Variants in TMPRSS7 observed in about 807,000 individuals in gnomAD.
The protein encoded by TMPRSS7 is transmembrane protease serine 7.
A neutral mutation model predicts 95.6 loss-of-function variants in TMPRSS7; 81 were observed. The observed-to-expected ratio is 0.85, with a 90% CI of 0.71 to 1.02. The LOEUF (loss-of-function observed/expected upper bound fraction) is 1.02, where lower values mean the gene tolerates loss of function less well. TMPRSS7 is among the 50% of genes least tolerant of loss of function. TMPRSS7 has a pLI of 0.00. For synonymous variants in TMPRSS7, 364 were observed against 337.8 expected, an observed-to-expected ratio of 1.08 and a Z score of -0.85; for missense variants, 945 against 955.2, an observed-to-expected ratio of 0.99 and a Z score of 0.14.
At chr3:112,046,124 A>G (rs2073275418) in intron 5 of TMPRSS7, among the ~76,000 whole-genome samples, 181 bp downstream of exon 5, 1 of 152,218 alleles carries the variant, frequency 6.6e-6, no homozygotes, top group South Asian at 2.1e-4. Flanking sequence ...AATGTTGTAT[A>G]TTGCAATTGA....
chr3:112,050,522 G>GAAA (rs568785162), intron 8 of TMPRSS7, 149 bp from the exon 9 acceptor site: 5,623 of 168,688 alleles, frequency 0.033, 134 homozygotes, highest in Middle Eastern at 0.053. Flanking sequence ...CCTTTCTTCT[G>GAAA]AAAAAAAAAA....
In TMPRSS7 at chr3:112,064,704, C is replaced by A. The variant is rs576808481; in HGVS notation, c.1555+1072C>A. On this transcript the variant is annotated intron_variant, in intron 12 of 17. Transcript: ENST00000452346. ...TTTGTTGTTATTTTTCTAACCTGTA[C>A]AATTTGTATTGACATCACATTGGTG... Among the ~76,000 whole-genome samples, 60 of 152,246 alleles carry A rather than the reference C, an allele frequency of 3.9e-4. 1 individual carries two copies. In the Middle Eastern group the frequency reaches 0.01, roughly 26 times the overall value.
At chr3:112,056,495 GCA>G (rs1230519885) in intron 9 of TMPRSS7, among the ~76,000 whole-genome samples, 1 of 151,908 alleles carries the variant, frequency 6.6e-6, no homozygotes, top group Non-Finnish European at 1.5e-5. Context: ...TGTGGTGCAT[GCA>G]CACACACACG....
At chr3:112,080,632 T>C (rs2073768152) in intron 17 of TMPRSS7, among the ~76,000 whole-genome samples, 1 of 152,158 alleles carries the variant, frequency 6.6e-6, no homozygotes, top group South Asian at 2.1e-4. Context: ...TGTTTAGGGC[T>C]ATGTGAGAGT....
exon 7 of TMPRSS7, chr3:112,047,805 C>T: frequency 1.9e-6 from 3 of 1,614,160 alleles, no homozygotes; most frequent in Non-Finnish European, 2.5e-6. Flanking sequence ...GAGATTTCTG[C>T]AGCCTCAGGG....
At chr3:112,044,608 G>A (rs2073253876) in intron 4 of TMPRSS7, among the ~76,000 whole-genome samples, 1 of 152,100 alleles carries the variant, frequency 6.6e-6, no homozygotes, top group East Asian at 1.9e-4. Flanking sequence ...ATATTGGGTG[G>A]AGGGTGGAGG....
chr3:112,075,250 C>T, intron 14 of TMPRSS7, 71 bp from the exon 15 acceptor site: 4 of 1,359,422 alleles, frequency 2.9e-6, no homozygotes, highest in Non-Finnish European at 3.8e-6. Flanking sequence ...CCAGCCAGCA[C>T]TAAAACTGGC....
chr3:112,078,932 T>G, intron 17 of TMPRSS7, 54 bp downstream of exon 17: 1 of 1,594,118 alleles, frequency 6.3e-7, no homozygotes, highest in East Asian at 2.2e-5. Flanking sequence ...CATAAATGCT[T>G]TCTCACTTAA....
exon 5 of TMPRSS7, chr3:112,045,896 G>A (rs1242941022): frequency 1.9e-6 from 3 of 1,551,750 alleles, no homozygotes; most frequent in African/African-American, 2.7e-5. Flanking sequence ...ACCTCTGTGG[G>A]GAGCTTGCAG....
At chr3:112,050,782 A>T (rs371727425) in exon 9 of TMPRSS7, 4 of 1,568,330 alleles carry the variant, frequency 2.6e-6, no homozygotes, top group South Asian at 1.2e-5. Context: ...TGGAAATTTC[A>T]GGTAGCCTAG....
At chr3:112,034,812 C>T (rs748325622), upstream of TMPRSS7, 3 of 701,890 alleles carry the variant, frequency 4.3e-6, no homozygotes, top group Non-Finnish European at 5.2e-6. Context: ...GGCTTTGAGA[C>T]ACCCCTGGAT....
chr3:112,075,305 C>T lies in TMPRSS7; in HGVS notation c.1784-16C>T. The T allele has an allele frequency of 7.2e-7, 1 of 1,397,810 alleles. No individual in the cohort carries two copies. Among genetic ancestry groups the T allele is most frequent in the Admixed American group, 2.8e-5 (1 of 35,374 alleles). 86.6% of individuals were successfully genotyped at this position (1,397,810 alleles called of 1,614,324 possible). ...CCAAGTCTACCTTTAAATCACATGC[C>T]CTTTCTCCACCAAAGCCTGCAGCAG... On this transcript the variant is annotated splice_polypyrimidine_tract_variant and intron_variant, in intron 14 of 17. Coordinates refer to ENST00000452346, the Ensembl canonical transcript of TMPRSS7.
At chr3:112,047,546 A>G (rs1175531474) in intron 6 of TMPRSS7, 193 bp from the exon 7 acceptor site, 18 of 670,230 alleles carry the variant, frequency 2.7e-5, no homozygotes, top group Middle Eastern at 2.4e-4. Flanking sequence ...ACCAAACTAT[A>G]TAGACAGAGT....
intron 14 of TMPRSS7, 108 bp from the exon 15 acceptor site, chr3:112,075,213 T>G (rs2073696796): frequency 8.6e-7 from 1 of 1,167,532 alleles, no homozygotes; most frequent in Admixed American, 3.1e-5. Flanking sequence ...TAAGGAGATT[T>G]CAAATTGCTA....
Position 112,047,149 on chromosome 3 carries a change from A to G in TMPRSS7, c.730+137A>G, listed in dbSNP as rs927443710. ...GAAATGCATTCAAACTGCCTTAAGC[A>G]CAAAAGAAACTTGACTGGCTCATGT... is the stretch of plus-strand genomic sequence containing the variant. On this transcript the variant is annotated intron_variant, in intron 6 of 17. Coordinates refer to ENST00000452346, the Ensembl canonical transcript of TMPRSS7. The G allele has an allele frequency of 8.6e-5, 55 of 638,002 alleles. No homozygotes were observed. The African/African-American group carries it at 9.4e-4, about 11-fold the overall frequency. 39.5% of individuals were successfully genotyped at this position (638,002 alleles called of 1,614,324 possible). A position where few individuals can be genotyped will look rare whatever the true frequency, so the allele number is the denominator to read the frequency against.
At chr3:112,051,619 CTCT>C (rs2073353865) in intron 9 of TMPRSS7, among the ~76,000 whole-genome samples, 2 of 131,486 alleles carry the variant, frequency 1.5e-5, no homozygotes, top group African/African-American at 2.9e-5. Context: ...ATCTATCTAT[CTCT>C]ATCATCTATC....
At chr3:112,039,851 T>C (rs1324936543) in intron 2 of TMPRSS7, 1 of 152,238 alleles carries the variant, frequency 6.6e-6, no homozygotes, top group Non-Finnish European at 1.5e-5. Context: ...TGGACAGCAG[T>C]GTGGGTAGCC....
In TMPRSS7 at chr3:112,072,790, C is replaced by A. The variant is rs117802054; in HGVS notation, c.1667-1506C>A. ...GACCTGCCAAGCCAGGCATATGTGC[C>A]ACATTTGCTTAATCCAGTCTATCAT... On this transcript the variant is annotated intron_variant, in intron 13 of 17. Transcript: ENST00000452346. Among the ~76,000 whole-genome samples the A allele has an allele frequency of 4.0e-3, 616 of 152,338 alleles. 30 individuals are homozygous for A. The East Asian group carries it at 0.062, about 15-fold the overall frequency.
At chr3:112,067,635 G>T (rs886436496) in intron 13 of TMPRSS7, among the ~76,000 whole-genome samples, 3 of 152,224 alleles carry the variant, frequency 2.0e-5, no homozygotes, top group Non-Finnish European at 2.9e-5. Flanking sequence ...CTTCTTTTGA[G>T]AAGTGTCTGT....
Sources: allele counts gnomAD v4.1 joint callset (sites outside exome capture counted in the v4.1 genomes callset), GRCh38; gene constraint gnomAD v4.1.1; transcripts MANE v1.5; gene names NCBI Gene and HGNC (gene_info 2026-07-23, HGNC 2026-07-21).